Variants in ZCWPW2 observed in about 807,000 individuals in gnomAD.
ZCWPW2 encodes the protein zinc finger CW-type and PWWP domain containing 2.
Under a neutral mutation model 46.6 loss-of-function variants are expected in ZCWPW2, and 45 were observed. The observed-to-expected ratio is 0.96, with a 90% CI of 0.76 to 1.24. ZCWPW2 has a LOEUF of 1.24. Among genes scored for constraint, ZCWPW2 ranks in the 50% most tolerant of loss-of-function variants. The probability of loss-of-function intolerance (pLI) is 0.00; values close to 1 mark genes in which losing one functional copy is unlikely to be tolerated. For synonymous variants in ZCWPW2, 152 were observed against 137.1 expected (o/e 1.11, Z -0.76); for missense variants, 429 against 403.9 (o/e 1.06, Z -0.53).
chr3:28,501,893 T>C (rs1700151938), intron 6 of ZCWPW2, among the ~76,000 whole-genome samples: 1 of 152,012 alleles, frequency 6.6e-6, no homozygotes, highest in South Asian at 2.1e-4. Context: ...GGACCACAAG[T>C]GTGCACCACC....
intron 4 of ZCWPW2, chr3:28,460,873 T>C (rs1318169212): frequency 5.7e-6 from 1 of 174,312 alleles, no homozygotes; most frequent in African/African-American, 2.4e-5. Flanking sequence ...TTGACATAAA[T>C]CTCTAGGCAG....
chr3:28,463,518 A>G (rs1698718684), intron 4 of ZCWPW2, among the ~76,000 whole-genome samples: 1 of 152,180 alleles, frequency 6.6e-6, no homozygotes, highest in Non-Finnish European at 1.5e-5. Context: ...AAATTAATAG[A>G]TATACTCAGA....
intron 2 of ZCWPW2, among the ~76,000 whole-genome samples, chr3:28,398,725 T>A (rs1695803689): frequency 6.6e-6 from 1 of 152,160 alleles, no homozygotes. Context: ...TACCTGGAGC[T>A]GAGTCCATTT....
At chr3:28,513,982 T>G (rs1185236792) in intron 6 of ZCWPW2, 82 bp from the exon 7 acceptor site, 8 of 1,133,834 alleles carry the variant, frequency 7.1e-6, no homozygotes, top group Non-Finnish European at 9.3e-6. Flanking sequence ...ACCAAATTAC[T>G]TGAACTGCAT....
At chr3:28,364,327 T>A (rs1248751635) in intron 1 of ZCWPW2, among the ~76,000 whole-genome samples, 1 of 152,208 alleles carries the variant, frequency 6.6e-6, no homozygotes. Context: ...ATTCTTTTTT[T>A]TTTTACATCA....
chr3:28,499,357 G>A (rs1024485549), intron 6 of ZCWPW2, among the ~76,000 whole-genome samples: 1 of 152,066 alleles, frequency 6.6e-6, no homozygotes, highest in Non-Finnish European at 1.5e-5. Context: ...GTGTGAGATG[G>A]TATCTCATTG....
chr3:28,365,240 G>T (rs1329746424), intron 1 of ZCWPW2, among the ~76,000 whole-genome samples: 2 of 144,686 alleles, frequency 1.4e-5, no homozygotes, highest in Non-Finnish European at 3.1e-5. Flanking sequence ...TGTCCTGAAT[G>T]GTATTGCCTA....
intron 4 of ZCWPW2, among the ~76,000 whole-genome samples, chr3:28,442,480 G>A (rs1045189009): frequency 6.6e-6 from 1 of 152,226 alleles, no homozygotes; most frequent in African/African-American, 2.4e-5. Flanking sequence ...TCTCATGGAA[G>A]TGAAAAGCGA....
At chr3:28,438,477 T>A (rs1296223291) in intron 4 of ZCWPW2, among the ~76,000 whole-genome samples, 1 of 152,168 alleles carries the variant, frequency 6.6e-6, no homozygotes, top group African/African-American at 2.4e-5. Context: ...AAGTTTTAGT[T>A]CAGGCTGATC....
At chr3:28,372,208 T>C (rs1038247304) in intron 1 of ZCWPW2, among the ~76,000 whole-genome samples, 1 of 152,158 alleles carries the variant, frequency 6.6e-6, no homozygotes, top group African/African-American at 2.4e-5. Flanking sequence ...CTTATATTGA[T>C]AAAAGACAAT....
At chr3:28,448,227 A>G (rs983008602) in intron 4 of ZCWPW2, among the ~76,000 whole-genome samples, 2 of 152,172 alleles carry the variant, frequency 1.3e-5, no homozygotes, top group African/African-American at 2.4e-5. Context: ...AATTAGAACT[A>G]ATAAGTGAAT....
chr3:28,351,563 T>TC (rs1290953537), intron 1 of ZCWPW2: 1 of 151,812 alleles, frequency 6.6e-6, no homozygotes, highest in Admixed American at 6.6e-5. Context: ...CCTTTTTTTT[T>TC]CTTAAATGAG....
chr3:28,367,096 C>G (rs1194799712), intron 1 of ZCWPW2, among the ~76,000 whole-genome samples: 3 of 152,192 alleles, frequency 2.0e-5, no homozygotes, highest in Non-Finnish European at 4.4e-5. Flanking sequence ...AAAAGACCAG[C>G]TCCTGGCTTC....
intron 1 of ZCWPW2, among the ~76,000 whole-genome samples, chr3:28,357,183 G>A (rs1295370889): frequency 6.6e-6 from 1 of 152,106 alleles, no homozygotes; most frequent in East Asian, 1.9e-4. Context: ...TTATTCAGAG[G>A]AGAGCCATTT....
intron 4 of ZCWPW2, among the ~76,000 whole-genome samples, chr3:28,467,423 A>G (rs1034162365): frequency 8.5e-5 from 13 of 152,106 alleles, no homozygotes; most frequent in Non-Finnish European, 1.5e-4. Context: ...CATTCCATAT[A>G]AAAGAAAATA....
At chr3:28,368,565 G>A (rs1184295863) in intron 1 of ZCWPW2, among the ~76,000 whole-genome samples, 2 of 152,102 alleles carry the variant, frequency 1.3e-5, no homozygotes, top group Non-Finnish European at 2.9e-5. Context: ...TGGGTAACCC[G>A]ACCTTTCTCT....
intron 4 of ZCWPW2, among the ~76,000 whole-genome samples, chr3:28,435,777 C>T (rs761421735): frequency 5.9e-5 from 9 of 152,074 alleles, no homozygotes; most frequent in Non-Finnish European, 1.2e-4. Flanking sequence ...TGAGCCACTG[C>T]GCCCAGCCTT....
chr3:28,435,729 G>T (rs1224294058), intron 4 of ZCWPW2, among the ~76,000 whole-genome samples: 1 of 151,952 alleles, frequency 6.6e-6, no homozygotes, highest in Non-Finnish European at 1.5e-5. Context: ...CTTGTGATCA[G>T]CCCGCCCCGG....
At chr3:28,364,515 T>C (rs1039851686) in intron 1 of ZCWPW2, among the ~76,000 whole-genome samples, 3 of 152,190 alleles carry the variant, frequency 2.0e-5, no homozygotes, top group African/African-American at 7.2e-5. Flanking sequence ...GTTCTTCTTT[T>C]AGTTTAATCT....
Sources: gnomAD v4.1 joint callset for allele counts (sites outside exome capture counted in the v4.1 genomes callset) on GRCh38, gnomAD v4.1.1 for gene constraint, MANE v1.5 for transcripts, NCBI Gene and HGNC (gene_info 2026-07-23, HGNC 2026-07-21) for gene names.